The following TRPS1 variants were observed in gnomAD, a reference collection of about 807,000 sequenced individuals.
TRPS1 encodes the protein zinc finger transcription factor Trps1.
Under a neutral mutation model 101.2 loss-of-function variants are expected in TRPS1, and 6 were observed. The ratio of observed to expected loss-of-function variants is 0.06; its 90% confidence interval spans 0.03 to 0.12. TRPS1 has a LOEUF of 0.12. Ranked by LOEUF, TRPS1 falls within the 10% of genes least tolerant of loss-of-function variation. The probability of loss-of-function intolerance (pLI) is 1.00; values close to 1 mark genes in which losing one functional copy is unlikely to be tolerated. For synonymous variants in TRPS1, 578 were observed against 589.8 expected, an observed-to-expected ratio of 0.98 and a Z score of 0.29; for missense variants, 1,363 against 1,567.0, an observed-to-expected ratio of 0.87 and a Z score of 2.20.
chr8:115,664,695 G>A (rs983028118), intron 1 of TRPS1, among the ~76,000 whole-genome samples: 19 of 152,026 alleles, frequency 1.2e-4, no homozygotes, highest in African/African-American at 4.3e-4. Flanking sequence ...AACAAAATAC[G>A]AGCCCATAAA....
At chr8:115,514,894 T>C (rs747914227) in intron 5 of TRPS1, among the ~76,000 whole-genome samples, 6 of 151,668 alleles carry the variant, frequency 4.0e-5, no homozygotes, top group Non-Finnish European at 8.9e-5. Context: ...AAGATCTTTA[T>C]AGTGCCATAT....
chr8:115,578,961 CT>C (rs1264827906), intron 5 of TRPS1, among the ~76,000 whole-genome samples: 1 of 152,012 alleles, frequency 6.6e-6, no homozygotes, highest in African/African-American at 2.4e-5. Context: ...CCAAAAGAGG[CT>C]ATGCAATGGT....
intron 5 of TRPS1, among the ~76,000 whole-genome samples, chr8:115,497,266 A>C (rs1057215306): frequency 6.6e-6 from 1 of 152,222 alleles, no homozygotes; most frequent in African/African-American, 2.4e-5. Context: ...GTTAGATTCT[A>C]ATAAGGAGCG....
intron 5 of TRPS1, among the ~76,000 whole-genome samples, chr8:115,468,483 GTTTCCAGCC>G (rs2130003529): frequency 6.6e-6 from 1 of 152,300 alleles, no homozygotes; most frequent in East Asian, 1.9e-4. Context: ...AAAGTAGGCA[GTTTCCAGCC>G]TTTTGTGAGT....
chr8:115,520,065 C>T (rs1375711872), intron 5 of TRPS1, among the ~76,000 whole-genome samples: 1 of 151,640 alleles, frequency 6.6e-6, no homozygotes, highest in Admixed American at 6.6e-5. Flanking sequence ...TACCTCTTCA[C>T]TGTCAATGTA....
chr8:115,420,008 A>G (rs1287347878), intron 5 of TRPS1, among the ~76,000 whole-genome samples: 1 of 152,230 alleles, frequency 6.6e-6, no homozygotes, highest in African/African-American at 2.4e-5. Context: ...GATTGGGGGA[A>G]TGTTTTTAGT....
At position 115,621,848 on chromosome 8, in the gene TRPS1, G is replaced by A. The variant is rs569031319; in HGVS notation, c.37+1753C>T. Among the ~76,000 whole-genome samples the A allele has an allele frequency of 3.4e-3, 515 of 151,986 alleles. 2 individuals are homozygous for A. Among genetic ancestry groups the A allele is most frequent in the African/African-American group, 0.012 (491 of 41,434 alleles). The stretch of plus-strand genomic sequence containing the variant: ...GGAGAACTGCTTGAACCCAGGAAGC[G>A]GAGGTTGCAGTGAGCCAAGATCATG... On this transcript the variant is annotated intron_variant, in intron 2 of 6. Coordinates refer to ENST00000395715, the MANE Select transcript of TRPS1 (RefSeq NM_014112.5).
chr8:115,443,965 T>A (rs547603411), intron 5 of TRPS1, among the ~76,000 whole-genome samples: 1 of 152,334 alleles, frequency 6.6e-6, no homozygotes, highest in African/African-American at 2.4e-5. Context: ...ATGTATTCAA[T>A]ATAGATCTAA....
intron 1 of TRPS1, among the ~76,000 whole-genome samples, chr8:115,654,520 CTG>C (rs1563672883): frequency 6.6e-6 from 1 of 152,110 alleles, no homozygotes; most frequent in Non-Finnish European, 1.5e-5. Flanking sequence ...GGAACTATGA[CTG>C]TTATGAATAA....
At chr8:115,550,139 C>T (rs190721562) in intron 5 of TRPS1, among the ~76,000 whole-genome samples, 173 of 152,190 alleles carry the variant, frequency 1.1e-3, no homozygotes, top group Middle Eastern at 6.8e-3. Context: ...ATTGCTTAAC[C>T]GGGGGTGGAG....
chr8:115,490,957 G>A (rs1815006441), intron 5 of TRPS1, among the ~76,000 whole-genome samples: 1 of 152,150 alleles, frequency 6.6e-6, no homozygotes, highest in Non-Finnish European at 1.5e-5. Flanking sequence ...CACACGGGAT[G>A]AAGGACCAAA....
At position 115,535,001 on chromosome 8, in the gene TRPS1, A is replaced by AT. The variant is rs199849979; in HGVS notation, c.2700+51999_2700+52000insA. Among the ~76,000 whole-genome samples, 247 of 149,404 alleles carry AT rather than the reference A, an allele frequency of 1.7e-3. 6 individuals carry two copies. Among genetic ancestry groups the AT allele is most frequent in the Admixed American group, 0.013 (200 of 14,864 alleles). ...AAACACTTGGCATATAAATATATAT[A>AT]GCATATATATAGCATATATATAAGC... On this transcript the variant is annotated intron_variant, in intron 5 of 6. Coordinates refer to ENST00000395715, the MANE Select transcript of TRPS1 (RefSeq NM_014112.5).
At chr8:115,556,606 C>G (rs1050318175) in intron 5 of TRPS1, among the ~76,000 whole-genome samples, 2 of 152,136 alleles carry the variant, frequency 1.3e-5, no homozygotes, top group Admixed American at 6.5e-5. Context: ...CTGTGTTCTG[C>G]TTTACAAAAC....
At chr8:115,417,992 TTC>T (rs1812963273) in intron 6 of TRPS1, among the ~76,000 whole-genome samples, 2 of 152,212 alleles carry the variant, frequency 1.3e-5, no homozygotes, top group African/African-American at 4.8e-5. Flanking sequence ...TTTTGCATAT[TTC>T]TGAAACTTCT....
chr8:115,459,278 C>A (rs1344424257), intron 5 of TRPS1, among the ~76,000 whole-genome samples: 2 of 151,926 alleles, frequency 1.3e-5, no homozygotes, highest in African/African-American at 4.8e-5. Flanking sequence ...GAGCAGAGAT[C>A]GCGCCACTGC....
At chr8:115,478,710 A>G (rs920795701) in intron 5 of TRPS1, among the ~76,000 whole-genome samples, 5 of 151,884 alleles carry the variant, frequency 3.3e-5, no homozygotes, top group African/African-American at 1.2e-4. Flanking sequence ...TGGCTGAAGC[A>G]GAAGAATTGC....
chr8:115,478,843 GTATATATGTATATATGTGTA>G (rs1274285052), intron 5 of TRPS1, among the ~76,000 whole-genome samples: 4 of 146,140 alleles, frequency 2.7e-5, no homozygotes, highest in African/African-American at 1.0e-4. Context: ...GTATATAAAT[GTATATATGTATATATGTGTA>G]TATATGTGTA....
chr8:115,582,718 C>T (rs1459843878), intron 5 of TRPS1, among the ~76,000 whole-genome samples: 1 of 152,152 alleles, frequency 6.6e-6, no homozygotes, highest in Non-Finnish European at 1.5e-5. Context: ...ACTCCCCAGG[C>T]CCATGGTTGA....
At chr8:115,612,311 G>A (rs530836467) in intron 3 of TRPS1, among the ~76,000 whole-genome samples, 2 of 151,996 alleles carry the variant, frequency 1.3e-5, no homozygotes, top group African/African-American at 4.8e-5. Flanking sequence ...GGGAAAGGAA[G>A]AGACAAGAAG....
Sources: allele counts gnomAD v4.1 joint callset (sites outside exome capture counted in the v4.1 genomes callset), GRCh38; gene constraint gnomAD v4.1.1; transcripts MANE v1.5; gene names NCBI Gene and HGNC (gene_info 2026-07-23, HGNC 2026-07-21).